Variants in TMEM117 observed in about 807,000 individuals in gnomAD.
The protein encoded by TMEM117 is transmembrane protein 117.
In TMEM117, 27 loss-of-function variants were observed where a neutral mutation model predicts 52.4. That is an observed-to-expected ratio of 0.51 (90% CI 0.38 to 0.71). The LOEUF is 0.71. Ranked by LOEUF, TMEM117 falls within the 30% of genes least tolerant of loss-of-function variation. TMEM117 has a pLI of 0.00. For synonymous variants in TMEM117, 215 were observed against 206.3 expected, an observed-to-expected ratio of 1.04 and a Z score of -0.36; for missense variants, 556 against 630.5, an observed-to-expected ratio of 0.88 and a Z score of 1.26.
intron 4 of TMEM117, among the ~76,000 whole-genome samples, chr12:44,161,794 A>G (rs1333738930): frequency 6.6e-6 from 1 of 152,038 alleles, no homozygotes; most frequent in Non-Finnish European, 1.5e-5. Context: ...GGTTTATGGT[A>G]GTGGCAAATT....
intron 5 of TMEM117, among the ~76,000 whole-genome samples, chr12:44,274,607 C>T (rs1156713714): frequency 6.6e-6 from 1 of 152,026 alleles, no homozygotes; most frequent in Non-Finnish European, 1.5e-5. Flanking sequence ...AACACAGACA[C>T]ATAGACCAAT....
At chr12:44,080,632 C>T (rs990589913) in intron 3 of TMEM117, among the ~76,000 whole-genome samples, 1 of 152,026 alleles carries the variant, frequency 6.6e-6, no homozygotes, top group African/African-American at 2.4e-5. Flanking sequence ...ATCTTGCCTC[C>T]TACCTGTTTT....
intron 5 of TMEM117, among the ~76,000 whole-genome samples, chr12:44,238,434 A>G (rs1226842250): frequency 6.6e-6 from 1 of 152,198 alleles, no homozygotes; most frequent in East Asian, 1.9e-4. Context: ...CATTTTTACT[A>G]AATCGAGGGA....
In TMEM117 at chr12:44,156,262, G is replaced by A. The variant is rs528681704; in HGVS notation, c.510+12638G>A. ...AGCTTTAGTTTCTCATCAGGAAAGT[G>A]TGTGCAGATGTGTACTTAATATGCA... is the stretch of plus-strand genomic sequence containing the variant. On this transcript the variant is annotated intron_variant, in intron 4 of 7. Coordinates refer to ENST00000266534, the MANE Select transcript of TMEM117 (RefSeq NM_032256.3). Among the ~76,000 whole-genome samples, 6 of 152,240 alleles carry A rather than the reference G, an allele frequency of 3.9e-5. No homozygotes were observed. The East Asian group carries it at 5.8e-4, about 15-fold the overall frequency.
chr12:43,966,555 A>G (rs1018287914), intron 3 of TMEM117, among the ~76,000 whole-genome samples: 24 of 152,188 alleles, frequency 1.6e-4, no homozygotes, highest in Non-Finnish European at 2.8e-4. Flanking sequence ...TTACCTTGGG[A>G]TACTCTAAGG....
chr12:43,907,218 AC>A (rs1008724209), intron 2 of TMEM117, among the ~76,000 whole-genome samples: 2 of 151,860 alleles, frequency 1.3e-5, no homozygotes, highest in African/African-American at 4.8e-5. Context: ...ACTGGGAGGC[AC>A]CCCCCGGCAG....
chr12:44,118,695 ATATCT>A (rs770968471), intron 3 of TMEM117, among the ~76,000 whole-genome samples: 8 of 152,182 alleles, frequency 5.3e-5, no homozygotes, highest in African/African-American at 1.7e-4. Flanking sequence ...GTATTACATG[ATATCT>A]TATTTTATTA....
intron 3 of TMEM117, among the ~76,000 whole-genome samples, chr12:44,006,805 A>G (rs932864428): frequency 3.3e-5 from 5 of 152,316 alleles, no homozygotes; most frequent in African/African-American, 1.2e-4. Context: ...TGAAGATGCA[A>G]TGCTGAATAA....
At chr12:44,396,848 CAAA>C in the TMEM117 span, among the ~76,000 whole-genome samples, 12 of 66,442 alleles carry the variant, frequency 1.8e-4, no homozygotes, top group East Asian at 3.7e-3. Context: ...AGTGAGACTC[CAAA>C]AAAAAAAAAA....
At chr12:44,152,388 T>G (rs1457162754) in intron 4 of TMEM117, among the ~76,000 whole-genome samples, 1 of 109,940 alleles carries the variant, frequency 9.1e-6, no homozygotes, top group Non-Finnish European at 1.6e-5. Flanking sequence ...ATTTATATAT[T>G]TATATATAAT....
chr12:43,871,103 T>TG (rs906203478), intron 2 of TMEM117, among the ~76,000 whole-genome samples: 29 of 151,000 alleles, frequency 1.9e-4, no homozygotes, highest in Non-Finnish European at 2.7e-4. Flanking sequence ...GTTTTTTTTT[T>TG]TTTGTTTGTT....
intron 4 of TMEM117, among the ~76,000 whole-genome samples, chr12:44,177,278 A>G (rs557901183): frequency 6.6e-6 from 1 of 152,246 alleles, no homozygotes; most frequent in African/African-American, 2.4e-5. Flanking sequence ...GCTGGGCAAA[A>G]TATTATTGAG....
At chr12:44,353,953 T>A (rs897160435) in intron 6 of TMEM117, among the ~76,000 whole-genome samples, 1 of 152,336 alleles carries the variant, frequency 6.6e-6, no homozygotes, top group South Asian at 2.1e-4. Context: ...TCTATTTGTT[T>A]GTATCCTCTT....
rs528381725 is a variant in TMEM117 at position 43,921,788 on chromosome 12, G to A, written c.278-22422G>A. Among the ~76,000 whole-genome samples the A allele has an allele frequency of 2.4e-4, 36 of 152,192 alleles. 1 individual carries two copies. The highest frequency in any genetic ancestry group is 8.2e-4 in the African/African-American group (34 of 41,544). On this transcript the variant is annotated intron_variant, in intron 2 of 7. Coordinates refer to ENST00000266534, the MANE Select transcript of TMEM117 (RefSeq NM_032256.3). ...ATGTTCACAGCTGCAGTTAAGGTTA[G>A]GTTCTGCATAGAGAGTCACTCAATG...
intron 3 of TMEM117, among the ~76,000 whole-genome samples, chr12:43,944,740 A>T (rs1410660818): frequency 1.3e-5 from 2 of 152,140 alleles, no homozygotes; most frequent in Non-Finnish European, 2.9e-5. Flanking sequence ...GGCTAAATAA[A>T]AGTGGTACAG....
At chr12:43,939,659 C>T (rs368679461) in intron 2 of TMEM117, among the ~76,000 whole-genome samples, 2 of 152,204 alleles carry the variant, frequency 1.3e-5, no homozygotes, top group African/African-American at 4.8e-5. Context: ...GGGATCTACT[C>T]AGGTCATTGT....
At chr12:44,017,144 A>G (rs1946384280) in intron 3 of TMEM117, among the ~76,000 whole-genome samples, 1 of 151,990 alleles carries the variant, frequency 6.6e-6, no homozygotes, top group African/African-American at 2.4e-5. Context: ...AAAGATGAGC[A>G]TCAATCTGAT....
chr12:43,957,469 G>T (rs935777411), intron 3 of TMEM117, among the ~76,000 whole-genome samples: 1 of 152,178 alleles, frequency 6.6e-6, no homozygotes, highest in African/African-American at 2.4e-5. Flanking sequence ...TTGAGAAAAT[G>T]AGACATCAAT....
chr12:44,229,473 G>A (rs1412534209), intron 5 of TMEM117, among the ~76,000 whole-genome samples: 1 of 152,040 alleles, frequency 6.6e-6, no homozygotes, highest in Admixed American at 6.6e-5. Context: ...CTGCCAGAGG[G>A]GAACATGTGC....
Sources: allele counts gnomAD v4.1 joint callset (sites outside exome capture counted in the v4.1 genomes callset), GRCh38; gene constraint gnomAD v4.1.1; transcripts MANE v1.5; gene names NCBI Gene and HGNC (gene_info 2026-07-23, HGNC 2026-07-21).